Variants in TRMT1L observed in about 807,000 individuals in gnomAD.
TRMT1L encodes tRNA (guanine(27)-N(2))-dimethyltransferase.
A neutral mutation model predicts 81.6 loss-of-function variants in TRMT1L; 28 were observed. The observed-to-expected ratio is 0.34, with a 90% confidence interval of 0.25 to 0.47. TRMT1L has a LOEUF of 0.47. TRMT1L is among the 20% of genes least tolerant of loss of function. The probability of loss-of-function intolerance (pLI) is 1.00; values close to 1 mark genes in which losing one functional copy is unlikely to be tolerated. For missense variants in TRMT1L, 739 were observed against 877.1 expected, an observed-to-expected ratio of 0.84 and a Z score of 1.99; for synonymous variants, 301 against 303.2, an observed-to-expected ratio of 0.99 and a Z score of 0.07.
At chr1:185,128,210 T>C (rs754054931) in intron 11 of TRMT1L, among the ~76,000 whole-genome samples, 1 of 152,222 alleles carries the variant, frequency 6.6e-6, no homozygotes, top group African/African-American at 2.4e-5. Context: ...ATATTTCCAA[T>C]TGTGTATCAT....
rs1443931479 is a variant in TRMT1L, at chr1:185,125,101, G to A, written c.1602C>T (p.Ser534=). ...AIELGPLWSS[S]LFNTGFLKRM... Reference sequence around the variant, plus strand: ...TTTTGAGGAATCCAGTATTGAAAAGGGAACTTGACCTGAAAAGAAAAGAAT... The same window carrying A: ...TTTTGAGGAATCCAGTATTGAAAAGAGAACTTGACCTGAAAAGAAAAGAAT... The change falls in exon 12 of 15, where the codon TCC becomes TCT. Residue 534 remains serine, a synonymous_variant. Transcript: ENST00000367506. 1 of 1,603,326 alleles carries A rather than the reference G, an allele frequency of 6.2e-7. No homozygotes were observed. Among genetic ancestry groups the A allele is most frequent in the East Asian group, 2.2e-5 (1 of 44,546 alleles).
intron 4 of TRMT1L, among the ~76,000 whole-genome samples, chr1:185,146,918 T>A (rs1479577125): frequency 2.6e-5 from 4 of 152,046 alleles, no homozygotes; most frequent in Non-Finnish European, 5.9e-5. Flanking sequence ...TCAAAATTAG[T>A]AAATGAGTTA....
Position 185,137,726 on chromosome 1 carries a change from C to T in TRMT1L, c.1393G>A (p.Val465Ile). Residue 465 changes from valine to isoleucine, a missense_variant, in exon 10 of 15, where the codon GTT (valine) becomes ATT (isoleucine). Physicochemically the swap from Val to Ile is conservative, Grantham distance 29. Around this residue, in one of 4 missense-constraint regions of TRMT1L, gnomAD observed 331 missense variants for 462.2 expected, o/e 0.72. Transcript: ENST00000367506. Reference protein sequence around the residue: ...AVALEHFVLVVVRVLRGPTSA... With the variant: ...AVALEHFVLVIVRVLRGPTSA... ...GTAGGTCCCCTCAAAACTCTCACAA[C>T]TACCAACACAAAATGTTCCAGAGCC... The T allele has an allele frequency of 6.2e-7, 1 of 1,614,148 alleles. No homozygotes were observed. Among genetic ancestry groups the T allele is most frequent in the Non-Finnish European group, 8.5e-7 (1 of 1,180,012 alleles).
chr1:185,137,430 T>A (rs146825381), intron 10 of TRMT1L, 176 bp downstream of exon 10: 1 of 730,528 alleles, frequency 1.4e-6, no homozygotes, highest in Admixed American at 2.0e-5. Context: ...TAAATAACTT[T>A]AATAAACTCA....
chr1:185,144,164 TTG>T (rs1328027042), intron 5 of TRMT1L, 135 bp from the exon 6 acceptor site: 3 of 1,007,306 alleles, frequency 3.0e-6, no homozygotes, highest in Non-Finnish European at 4.1e-6. Context: ...TTATATTATT[TTG>T]TGTTAATGCA....
Position 185,123,838 on chromosome 1 carries a change from C to G in TRMT1L, c.1822+19G>C, listed in dbSNP as rs754326717. 1 of 1,445,052 alleles carries G rather than the reference C, an allele frequency of 6.9e-7. No homozygotes were observed. The highest frequency in any genetic ancestry group is 9.3e-7 in the Non-Finnish European group (1 of 1,078,078). The allele number at this position is 1,445,052 out of a possible 1,614,324, so 89.5% of individuals were successfully genotyped here. A position where few individuals can be genotyped will look rare whatever the true frequency, so the allele number is the denominator to read the frequency against. ...TTGACCTGATATGTACATATGTACA[C>G]ACATATATGCATACATACCTTGTGC... On this transcript the variant is annotated intron_variant, in intron 13 of 14. Transcript: ENST00000367506.
intron 1 of TRMT1L, among the ~76,000 whole-genome samples, chr1:185,153,228 T>C (rs181563987): frequency 1.3e-5 from 2 of 152,304 alleles, no homozygotes; most frequent in African/African-American, 4.8e-5. Flanking sequence ...AATACATGAA[T>C]AAGTCTAAAA....
chr1:185,138,678 T>C (rs1421084115), intron 9 of TRMT1L, among the ~76,000 whole-genome samples: 1 of 152,178 alleles, frequency 6.6e-6, no homozygotes, highest in Admixed American at 6.5e-5. Flanking sequence ...TGGTGAGAAA[T>C]GGAGAGAACT....
intron 7 of TRMT1L, among the ~76,000 whole-genome samples, chr1:185,141,019 G>C (rs563659527): frequency 6.7e-6 from 1 of 149,962 alleles, no homozygotes; most frequent in Non-Finnish European, 1.5e-5. Context: ...CGAATGATTA[G>C]AGGAAGAATT....
intron 3 of TRMT1L, among the ~76,000 whole-genome samples, chr1:185,150,008 T>C (rs1036607473): frequency 6.6e-6 from 1 of 152,230 alleles, no homozygotes; most frequent in Non-Finnish European, 1.5e-5. Flanking sequence ...TTATCTTGTA[T>C]TTTCCAATAT....
Position 185,120,160 on chromosome 1 carries a change from G to C in TRMT1L, c.2061C>G (p.Ile687Met), listed in dbSNP as rs769926700. The C allele has an allele frequency of 3.7e-6, 6 of 1,613,918 alleles. No homozygotes were observed. The Admixed American group carries it at 8.3e-5, about 22-fold the overall frequency. ...TDAPLMQFKS[I>M]LLKYSTPTYT... ...AGGTGGGGGTGCTGTACTTTAAAAG[G>C]ATAGATTTAAACTGCATCAGAGGTG... The change falls in exon 15 of 15, where the codon ATC becomes ATG. Residue 687 changes from isoleucine (I) to methionine (M), a missense_variant. Physicochemically the swap from Ile to Met is conservative, Grantham distance 10. Transcript: ENST00000367506.
rs1571338935 is a variant in TRMT1L at position 185,118,881 on chromosome 1, A to C, written c.*1138T>G. 2.0e-5 allele frequency: 3 copies of C among 146,860 alleles called. No homozygotes were observed. Among genetic ancestry groups the C allele is most frequent in the African/African-American group, 7.6e-5 (3 of 39,604 alleles). 9.1% of individuals were successfully genotyped at this position (146,860 alleles called of 1,614,324 possible). ...AGTTATAATTATTACCACCCCCTCC[A>C]CCCCCTTCCCCCCACTTAATGGTTA... On this transcript the variant is annotated 3_prime_UTR_variant, in exon 15 of 15. Transcript: ENST00000367506.
At chr1:185,141,388 C>T (rs2102247129) in intron 7 of TRMT1L, among the ~76,000 whole-genome samples, 1 of 152,232 alleles carries the variant, frequency 6.6e-6, no homozygotes, top group South Asian at 2.1e-4. Flanking sequence ...TAGATATTAG[C>T]TTTAATGACT....
At chr1:185,155,258 TCTGA>T (rs1653467997) in intron 1 of TRMT1L, among the ~76,000 whole-genome samples, 1 of 152,200 alleles carries the variant, frequency 6.6e-6, no homozygotes, top group Admixed American at 6.5e-5. Context: ...CTGAACCACT[TCTGA>T]CTAATATAAA....
chr1:185,147,172 A>G lies in TRMT1L; in HGVS notation c.525+10T>C, dbSNP rs1326702436. On this transcript the variant is annotated intron_variant, in intron 4 of 14. Transcript: ENST00000367506. ...AAATTTAAAAATAAAAAAATCTAAT[A>G]TCTGATCACCTGTTCTCCAATAATG... The G allele has an allele frequency of 1.3e-6, 2 of 1,589,968 alleles. No homozygotes were observed. Among genetic ancestry groups the G allele is most frequent in the Middle Eastern group, 1.7e-4 (1 of 5,966 alleles).
chr1:185,131,294 T>C lies in TRMT1L; in HGVS notation c.1514-2547A>G, dbSNP rs1571345730. 2.0e-5 allele frequency among the ~76,000 whole-genome samples: 3 copies of C among 152,304 alleles called. No homozygotes were observed. In the South Asian group the frequency reaches 6.2e-4, roughly 32 times the overall value. On this transcript the variant is annotated intron_variant, in intron 10 of 14. Coordinates refer to ENST00000367506, the MANE Select transcript of TRMT1L (RefSeq NM_030934.5). Reference sequence around the variant, plus strand: ...GATTACAGCCAAATCCGTTGGTTTATAAGCTCTGCCCCAAGTGCTTTAAAA... The same window carrying C: ...GATTACAGCCAAATCCGTTGGTTTACAAGCTCTGCCCCAAGTGCTTTAAAA...
At chr1:185,150,641 G>A in intron 2 of TRMT1L, 149 bp from the exon 3 acceptor site, 1 of 660,522 alleles carries the variant, frequency 1.5e-6, no homozygotes, top group Non-Finnish European at 2.7e-6. Flanking sequence ...TGACCCAGGA[G>A]ACAGTTAACA....
rs1571353857 is a variant in TRMT1L at position 185,143,845 on chromosome 1, A to C, written c.779+61T>G. 2.2e-5 allele frequency: 32 copies of C among 1,428,098 alleles called. No homozygotes were observed. The East Asian group carries it at 7.6e-4, about 34-fold the overall frequency. 88.5% of individuals were successfully genotyped at this position (1,428,098 alleles called of 1,614,324 possible). On this transcript the variant is annotated intron_variant, in intron 6 of 14. Coordinates refer to ENST00000367506, the MANE Select transcript of TRMT1L (RefSeq NM_030934.5). The stretch of plus-strand genomic sequence containing the variant: ...TTAATATATTAGAACATAAAGGTTA[A>C]GAGAAGGTACACTTATAATAATTTG...
chr1:185,137,854 T>C, intron 9 of TRMT1L, 58 bp from the exon 10 acceptor site: 1 of 1,549,036 alleles, frequency 6.5e-7, no homozygotes, highest in Non-Finnish European at 8.8e-7. Context: ...TGTTTGGCAT[T>C]ATACTGACAA....
Sources: allele counts gnomAD v4.1 joint callset (sites outside exome capture counted in the v4.1 genomes callset), GRCh38; gene constraint gnomAD v4.1.1; regional missense constraint gnomAD v4.1.1; transcripts MANE v1.5; gene names NCBI Gene and HGNC (gene_info 2026-07-23, HGNC 2026-07-21).